PLXNC1: variants seen among roughly 807,000 people sequenced by gnomAD.
The protein encoded by PLXNC1 is plexin-C1.
In PLXNC1, 75 loss-of-function variants were observed where a neutral mutation model predicts 178.2. The observed-to-expected ratio is 0.42, with a 90% CI of 0.35 to 0.51. The LOEUF (loss-of-function observed/expected upper bound fraction) is 0.51. Ranked by LOEUF, PLXNC1 falls within the 20% of genes least tolerant of loss-of-function variation. PLXNC1 has a pLI of 0.02. For missense variants in PLXNC1, 1,503 were observed against 1,984.4 expected, an observed-to-expected ratio of 0.76 and a Z score of 4.61; for synonymous variants, 790 against 779.9, an observed-to-expected ratio of 1.01 and a Z score of -0.22.
chr12:94,221,927 A>G (rs1963807967), intron 6 of PLXNC1, among the ~76,000 whole-genome samples: 1 of 152,184 alleles, frequency 6.6e-6, no homozygotes, highest in African/African-American at 2.4e-5. Flanking sequence ...ATTCCAACTT[A>G]TGAATTTAGG....
intron 30 of PLXNC1, chr12:94,304,257 T>G (rs1285519786): frequency 2.3e-6 from 1 of 444,430 alleles, no homozygotes; most frequent in Non-Finnish European, 4.0e-6. Flanking sequence ...TGCCCACATT[T>G]GGACCAGCCT....
intron 21 of PLXNC1, among the ~76,000 whole-genome samples, chr12:94,267,662 C>T (rs1380809863): frequency 6.6e-6 from 1 of 152,186 alleles, no homozygotes; most frequent in Non-Finnish European, 1.5e-5. Flanking sequence ...GCCCAGCCCC[C>T]CTTTCATGGT....
chr12:94,280,035 G>A, intron 22 of PLXNC1: 1 of 360,020 alleles, frequency 2.8e-6, no homozygotes, highest in South Asian at 2.1e-5. Context: ...TGTTTGTTGT[G>A]ATACTGAGCG....
chr12:94,210,736 G>T (rs976813352), intron 5 of PLXNC1, among the ~76,000 whole-genome samples: 22 of 152,290 alleles, frequency 1.4e-4, no homozygotes, highest in Middle Eastern at 3.4e-3. Flanking sequence ...TTTGGCTGTT[G>T]TCACTTTCTG....
intron 27 of PLXNC1, among the ~76,000 whole-genome samples, chr12:94,299,228 G>T (rs1432523989): frequency 6.6e-6 from 1 of 152,172 alleles, no homozygotes; most frequent in Non-Finnish European, 1.5e-5. Context: ...GCAGTACTCA[G>T]ATACTATGAG....
intron 23 of PLXNC1, among the ~76,000 whole-genome samples, chr12:94,286,616 C>CAAAAA (rs61238982): frequency 3.9e-5 from 4 of 101,374 alleles, no homozygotes; most frequent in East Asian, 3.2e-4. Flanking sequence ...TGCTTAAAAG[C>CAAAAA]AAAAAAAAAA....
rs1411181911 is a variant in PLXNC1, at chr12:94,307,255, A to C, written c.*1970A>C. On this transcript the variant is annotated 3_prime_UTR_variant, in exon 31 of 31. Transcript: ENST00000258526. ...GCCTCAATTTCTGTATAATATTTCTAAGCTACCTCACTGAGGTGGTATGAA... is the reference window on the plus strand; with the variant it reads ...GCCTCAATTTCTGTATAATATTTCTCAGCTACCTCACTGAGGTGGTATGAA... 1 of 151,780 alleles carries C rather than the reference A, an allele frequency of 6.6e-6. No homozygotes were observed. Among genetic ancestry groups the C allele is most frequent in the Admixed American group, 6.6e-5 (1 of 15,200 alleles). 9.4% of individuals were successfully genotyped at this position (151,780 alleles called of 1,614,324 possible).
Position 94,307,088 on chromosome 12 carries a change from C to T in PLXNC1, c.*1803C>T, listed in dbSNP as rs1180147303. On this transcript the variant is annotated 3_prime_UTR_variant, in exon 31 of 31. Coordinates refer to ENST00000258526, the MANE Select transcript of PLXNC1 (RefSeq NM_005761.3). ...TACTGAAAACTCAAAGGATCAGCTA[C>T]AGCTTTATCTAAGTATTTACTAAAT... 1 of 152,218 alleles carries T rather than the reference C, an allele frequency of 6.6e-6. No individual in the cohort carries two copies. The highest frequency in any genetic ancestry group is 6.5e-5 in the Admixed American group (1 of 15,272). The allele number at this position is 152,218 out of a possible 1,614,324, so 9.4% of individuals were successfully genotyped here. A position where few individuals can be genotyped will look rare whatever the true frequency, so the allele number is the denominator to read the frequency against.
At chr12:94,264,576 G>A (rs889222554) in intron 20 of PLXNC1, among the ~76,000 whole-genome samples, 3 of 152,332 alleles carry the variant, frequency 2.0e-5, no homozygotes, top group South Asian at 2.1e-4. Flanking sequence ...TGCTTCCTTC[G>A]AGAAGTGCTG....
intron 22 of PLXNC1, 73 bp from the exon 23 acceptor site, chr12:94,282,225 A>G (rs910940275): frequency 1.5e-5 from 14 of 955,806 alleles, no homozygotes; most frequent in Non-Finnish European, 2.0e-5. Flanking sequence ...AGTTTTAGTT[A>G]TCCATAAATT....
chr12:94,214,145 C>T (rs1431754525), intron 5 of PLXNC1, among the ~76,000 whole-genome samples: 3 of 150,992 alleles, frequency 2.0e-5, no homozygotes, highest in Admixed American at 6.6e-5. Flanking sequence ...AGTGCAGAGA[C>T]GTGATCATAA....
chr12:94,266,904 T>C (rs1965275605), intron 21 of PLXNC1, among the ~76,000 whole-genome samples: 1 of 152,198 alleles, frequency 6.6e-6, no homozygotes, highest in Non-Finnish European at 1.5e-5. Flanking sequence ...GTGCCCGGGC[T>C]TTCCCTCGGG....
intron 1 of PLXNC1, among the ~76,000 whole-genome samples, chr12:94,160,758 GT>G (rs939493246): frequency 6.6e-6 from 1 of 152,032 alleles, no homozygotes; most frequent in African/African-American, 2.4e-5. Flanking sequence ...ACAGAATAAT[GT>G]TTTTTAATGC....
At chr12:94,286,835 G>C (rs1401242316) in intron 23 of PLXNC1, among the ~76,000 whole-genome samples, 1 of 152,118 alleles carries the variant, frequency 6.6e-6, no homozygotes, top group African/African-American at 2.4e-5. Context: ...GGCAAACAGA[G>C]TGTAGCTGGT....
chr12:94,207,571 G>T (rs1963338007), intron 4 of PLXNC1, among the ~76,000 whole-genome samples: 1 of 152,214 alleles, frequency 6.6e-6, no homozygotes, highest in South Asian at 2.1e-4. Flanking sequence ...CATGCTGCCA[G>T]ACACTGAGGG....
chr12:94,259,473 T>TA, intron 18 of PLXNC1, 98 bp downstream of exon 18: 1 of 1,218,040 alleles, frequency 8.2e-7, no homozygotes, highest in Non-Finnish European at 1.2e-6. Flanking sequence ...TTTGAATTTT[T>TA]ATTGTGGGTT....
intron 20 of PLXNC1, chr12:94,262,880 A>AG (rs762885420): frequency 1.4e-5 from 10 of 698,746 alleles, no homozygotes; most frequent in Non-Finnish European, 1.8e-5. Flanking sequence ...CATCCCCTTA[A>AG]GGGTCCTGTG....
At chr12:94,182,380 T>C (rs1962339247) in intron 3 of PLXNC1, among the ~76,000 whole-genome samples, 1 of 128,696 alleles carries the variant, frequency 7.8e-6, no homozygotes, top group African/African-American at 3.0e-5. Flanking sequence ...ATCAAACCAC[T>C]GTACCCTAGC....
At chr12:94,281,014 C>T (rs1375578403) in intron 22 of PLXNC1, among the ~76,000 whole-genome samples, 3 of 152,172 alleles carry the variant, frequency 2.0e-5, no homozygotes, top group African/African-American at 7.2e-5. Flanking sequence ...CGTGGTGGCT[C>T]ACGCCTGTAA....
Sources: allele counts gnomAD v4.1 joint callset (sites outside exome capture counted in the v4.1 genomes callset), GRCh38; gene constraint gnomAD v4.1.1; transcripts MANE v1.5; gene names NCBI Gene and HGNC (gene_info 2026-07-23, HGNC 2026-07-21).